The following HHIP variants were observed in gnomAD, a reference collection of about 807,000 sequenced individuals.
The protein encoded by HHIP is hedgehog-interacting protein.
In HHIP, 12 loss-of-function variants were observed where a neutral mutation model predicts 74.0. The ratio of observed to expected loss-of-function variants is 0.16; its 90% CI spans 0.10 to 0.26. HHIP has a LOEUF of 0.26. HHIP is among the 10% of genes least tolerant of loss of function. HHIP has a pLI of 1.00. For synonymous variants in HHIP, 309 were observed against 311.6 expected (o/e 0.99, Z 0.09); for missense variants, 788 against 845.0 (o/e 0.93, Z 0.84).
chr4:144,708,536 C>A (rs1017561138), intron 7 of HHIP, among the ~76,000 whole-genome samples: 2 of 152,160 alleles, frequency 1.3e-5, no homozygotes, highest in African/African-American at 2.4e-5. Context: ...ACGAAAAGGA[C>A]AAATTCATGG....
chr4:144,649,094 A>G (rs972798134), intron 1 of HHIP, among the ~76,000 whole-genome samples: 1 of 152,190 alleles, frequency 6.6e-6, no homozygotes, highest in Admixed American at 6.5e-5. Flanking sequence ...TTTTTAAAAC[A>G]TGTTATTTTA....
chr4:144,651,746 T>TA (rs1283785057), intron 1 of HHIP, among the ~76,000 whole-genome samples: 2 of 133,974 alleles, frequency 1.5e-5, no homozygotes, highest in African/African-American at 4.9e-5. Context: ...AAGTTACTGC[T>TA]AAACAACAAG....
chr4:144,744,015 A>G lies in HHIP; in HGVS notation c.*6058A>G, dbSNP rs1560729576. On this transcript the variant is annotated 3_prime_UTR_variant, in exon 13 of 13. Coordinates refer to ENST00000296575, the MANE Select transcript of HHIP (RefSeq NM_022475.3). ...AGTCCCTTTCCTAATACTGTTATGA[A>G]GAAACCAAGTTGACTACCTTATGAG... is the stretch of plus-strand genomic sequence containing the variant. 1.3e-5 allele frequency: 2 copies of G among 152,170 alleles called. No individual in the cohort carries two copies. Among genetic ancestry groups the G allele is most frequent in the East Asian group, 3.8e-4 (2 of 5,196 alleles). The allele number at this position is 152,170 out of a possible 1,614,324, so 9.4% of individuals were successfully genotyped here.
intron 4 of HHIP, among the ~76,000 whole-genome samples, chr4:144,668,273 C>T (rs1300078234): frequency 1.3e-5 from 2 of 150,990 alleles, no homozygotes; most frequent in Non-Finnish European, 3.0e-5. Context: ...GCCGAGATCG[C>T]GCCACGCCAC....
intron 4 of HHIP, among the ~76,000 whole-genome samples, chr4:144,683,703 G>A (rs1230344097): frequency 6.6e-6 from 1 of 152,096 alleles, no homozygotes; most frequent in East Asian, 1.9e-4. Flanking sequence ...AGTTTTATGG[G>A]AACACAACCA....
chr4:144,669,279 A>G (rs77750119), intron 4 of HHIP, among the ~76,000 whole-genome samples: 1 of 152,046 alleles, frequency 6.6e-6, no homozygotes. Flanking sequence ...GCTATTTATC[A>G]AGACCATTTT....
rs559135802 is a variant in HHIP, at chr4:144,674,607, A to T, written c.831+14769A>T. Among the ~76,000 whole-genome samples the T allele has an allele frequency of 2.0e-5, 3 of 152,098 alleles. No homozygotes were observed. In the East Asian group the frequency reaches 5.8e-4, roughly 29 times the overall value. On this transcript the variant is annotated intron_variant, in intron 4 of 12. Transcript: ENST00000296575. ...TTTGGATTGCTGGAGTTAAAAAAAA[A>T]CGAATAAATCAATTAAAAAATATGC...
rs1728265554 is a variant in HHIP at position 144,646,606 on chromosome 4, A to G, written c.-70A>G. On this transcript the variant is annotated 5_prime_UTR_variant, in exon 1 of 13. Coordinates refer to ENST00000296575, the MANE Select transcript of HHIP (RefSeq NM_022475.3). ...CAAACTCCTCCTGGAGCTGCGCCCT[A>G]GTGCCCCTGCTGGGCAGTGGCGTTC... 1.3e-6 allele frequency: 2 copies of G among 1,503,782 alleles called. No individual in the cohort carries two copies. Among genetic ancestry groups the G allele is most frequent in the Non-Finnish European group, 9.0e-7 (1 of 1,105,264 alleles). The allele number at this position is 1,503,782 out of a possible 1,614,324, so 93.2% of individuals were successfully genotyped here. A position where few individuals can be genotyped will look rare whatever the true frequency, so the allele number is the denominator to read the frequency against.
chr4:144,734,606 A>C, intron 11 of HHIP, 135 bp from the exon 12 acceptor site: 1 of 576,504 alleles, frequency 1.7e-6, no homozygotes. Context: ...TGTAAATCTG[A>C]CTGAGTCACT....
intron 2 of HHIP, among the ~76,000 whole-genome samples, chr4:144,657,469 A>G (rs745790211): frequency 1.3e-5 from 2 of 152,156 alleles, no homozygotes; most frequent in African/African-American, 4.8e-5. Flanking sequence ...AAAGTATAAG[A>G]CCAGAAGCAG....
chr4:144,692,853 G>A (rs1414880503), intron 4 of HHIP, among the ~76,000 whole-genome samples: 1 of 150,738 alleles, frequency 6.6e-6, no homozygotes, highest in East Asian at 1.9e-4. Context: ...GAGACACAGA[G>A]AGGCTAAGGT....
intron 7 of HHIP, among the ~76,000 whole-genome samples, chr4:144,709,274 CT>C (rs1056681749): frequency 6.8e-4 from 103 of 152,306 alleles, no homozygotes; most frequent in African/African-American, 2.4e-3. Context: ...ATCTTAAAAT[CT>C]GTGAGACAGG....
At chr4:144,732,089 A>C (rs201493615) in intron 11 of HHIP, among the ~76,000 whole-genome samples, 1 of 152,144 alleles carries the variant, frequency 6.6e-6, no homozygotes, top group African/African-American at 2.4e-5. Flanking sequence ...ACTTCAGTGA[A>C]GAAGGGAAAA....
chr4:144,660,049 G>A (rs1439388808), intron 4 of HHIP: 10 of 556,098 alleles, frequency 1.8e-5, no homozygotes, highest in South Asian at 1.0e-4. Context: ...CGCTGCAATC[G>A]AATTGATATT....
chr4:144,669,024 T>C, intron 4 of HHIP, among the ~76,000 whole-genome samples: 1 of 150,294 alleles, frequency 6.7e-6, no homozygotes, highest in East Asian at 1.9e-4. Context: ...TTATATAATA[T>C]ATAATATTTA....
chr4:144,707,889 G>T (rs1444829114), intron 6 of HHIP, among the ~76,000 whole-genome samples: 1 of 152,058 alleles, frequency 6.6e-6, no homozygotes, highest in Non-Finnish European at 1.5e-5. Flanking sequence ...CCGCCTGGCC[G>T]CATGCCACCA....
At position 144,707,774 on chromosome 4, in the gene HHIP, T is replaced by C. The variant is rs115219631; in HGVS notation, c.1158-394T>C. 6.8e-3 allele frequency among the ~76,000 whole-genome samples: 1,034 copies of C among 152,268 alleles called. 12 individuals carry two copies. Among genetic ancestry groups the C allele is most frequent in the South Asian group, 0.022 (104 of 4,830 alleles). On this transcript the variant is annotated intron_variant, in intron 6 of 12. Transcript: ENST00000296575. Reference sequence around the variant, plus strand: ...ACAATAAGGAATTTATTTTATTTAATTATTCCTTTATTTATTCAGACAAGG... The same window carrying C: ...ACAATAAGGAATTTATTTTATTTAACTATTCCTTTATTTATTCAGACAAGG...
chr4:144,647,135 C>T (rs2126568662), intron 1 of HHIP, 181 bp downstream of exon 1: 8 of 546,560 alleles, frequency 1.5e-5, no homozygotes, highest in Admixed American at 3.4e-5. Flanking sequence ...AAGCAAGTAG[C>T]ATTTCCTCCC....
At chr4:144,722,420 T>A (rs1730663655) in intron 11 of HHIP, among the ~76,000 whole-genome samples, 1 of 152,226 alleles carries the variant, frequency 6.6e-6, no homozygotes, top group Admixed American at 6.5e-5. Flanking sequence ...TTAAATAATC[T>A]ATTTTAAACA....
Sources: gnomAD v4.1 joint callset for allele counts (sites outside exome capture counted in the v4.1 genomes callset) on GRCh38, gnomAD v4.1.1 for gene constraint, MANE v1.5 for transcripts, NCBI Gene and HGNC (gene_info 2026-07-23, HGNC 2026-07-21) for gene names.